The following RNF169 variants were observed in gnomAD, a reference collection of about 807,000 sequenced individuals.
The protein encoded by RNF169 is E3 ubiquitin-protein ligase RNF169.
A neutral mutation model predicts 53.9 loss-of-function variants in RNF169; 24 were observed. That is an observed-to-expected ratio of 0.45 (90% confidence interval 0.32 to 0.63). RNF169 has a LOEUF of 0.63. Among genes scored for constraint, RNF169 ranks in the 20% least tolerant of loss-of-function variants. The pLI is 0.04. For synonymous variants in RNF169, 396 were observed against 363.5 expected (o/e 1.09, Z -1.02); for missense variants, 883 against 906.2 (o/e 0.97, Z 0.33).
intron 4 of RNF169, among the ~76,000 whole-genome samples, chr11:74,820,659 T>C (rs1280824659): frequency 6.6e-6 from 1 of 152,108 alleles, no homozygotes; most frequent in Admixed American, 6.6e-5. Context: ...GTCAAGTGTT[T>C]ACCAGCCTGC....
At chr11:74,824,127 A>G (rs1486698393) in intron 4 of RNF169, among the ~76,000 whole-genome samples, 1 of 152,208 alleles carries the variant, frequency 6.6e-6, no homozygotes, top group African/African-American at 2.4e-5. Context: ...CTCAAGAGCT[A>G]AAGGAACTAT....
chr11:74,765,530 G>A (rs1300452673), intron 1 of RNF169, among the ~76,000 whole-genome samples: 1 of 152,150 alleles, frequency 6.6e-6, no homozygotes, highest in East Asian at 1.9e-4. Flanking sequence ...GCCGGGTGCG[G>A]TGGCTCACGC....
At chr11:74,831,590 G>A (rs2036178275) in intron 4 of RNF169, 1 of 151,314 alleles carries the variant, frequency 6.6e-6, no homozygotes, top group Admixed American at 6.6e-5. Flanking sequence ...CAGATTTAGT[G>A]TAACATCTAT....
At chr11:74,810,148 C>T in intron 2 of RNF169, 36 bp from the exon 3 acceptor site, 2 of 1,574,792 alleles carry the variant, frequency 1.3e-6, no homozygotes, top group Non-Finnish European at 1.7e-6. Flanking sequence ...TTAGAGTTGC[C>T]TAAAACTACT....
chr11:74,810,383 C>T, intron 3 of RNF169, 53 bp downstream of exon 3: 1 of 1,557,560 alleles, frequency 6.4e-7, no homozygotes, highest in African/African-American at 1.4e-5. Context: ...AGTGGTTAGC[C>T]CAGGTGACCT....
chr11:74,800,855 A>G (rs2035718914), intron 2 of RNF169, among the ~76,000 whole-genome samples: 1 of 152,174 alleles, frequency 6.6e-6, no homozygotes, highest in South Asian at 2.1e-4. Context: ...CCCCCTCTTC[A>G]TTCAGCCTTT....
intron 1 of RNF169, among the ~76,000 whole-genome samples, chr11:74,752,060 C>T (rs1256252928): frequency 1.3e-5 from 2 of 151,022 alleles, no homozygotes; most frequent in African/African-American, 4.9e-5. Context: ...GGTGAAACCC[C>T]GTCTCTACTA....
intron 3 of RNF169, 85 bp from the exon 4 acceptor site, chr11:74,817,511 A>C: frequency 1.2e-6 from 1 of 805,520 alleles, no homozygotes; most frequent in African/African-American, 1.7e-5. Context: ...GAAGCGACAT[A>C]GAGAAAGAGA....
At chr11:74,813,552 C>T (rs2035902512) in intron 3 of RNF169, among the ~76,000 whole-genome samples, 1 of 152,108 alleles carries the variant, frequency 6.6e-6, no homozygotes, top group Non-Finnish European at 1.5e-5. Flanking sequence ...GAAATGAGCC[C>T]TATAAACGTT....
intron 4 of RNF169, among the ~76,000 whole-genome samples, chr11:74,830,128 C>CTA (rs1006373523): frequency 3.7e-4 from 56 of 152,040 alleles, no homozygotes; most frequent in African/African-American, 1.3e-3. Context: ...AGATCTAAGA[C>CTA]TAAACACACA....
At chr11:74,810,746 G>T (rs2035864223) in intron 3 of RNF169, among the ~76,000 whole-genome samples, 1 of 152,176 alleles carries the variant, frequency 6.6e-6, no homozygotes, top group South Asian at 2.1e-4. Flanking sequence ...GCACAGTGTA[G>T]ATATAAGGTA....
rs144353843 is a variant in RNF169 at position 74,809,673 on chromosome 11, C to G, written c.577-511C>G. On this transcript the variant is annotated intron_variant, in intron 2 of 5. Transcript: ENST00000299563. ...CATCTCTACTATTATAAAATTAGAA[C>G]AAAATTTCTTTGTAGACCGTGTATC... 2.0e-3 allele frequency among the ~76,000 whole-genome samples: 301 copies of G among 152,280 alleles called. 2 individuals carry two copies. Among genetic ancestry groups the G allele is most frequent in the African/African-American group, 6.9e-3 (288 of 41,564 alleles).
chr11:74,769,666 A>G (rs1428980781), intron 1 of RNF169, among the ~76,000 whole-genome samples: 10 of 152,070 alleles, frequency 6.6e-5, no homozygotes, highest in Admixed American at 6.5e-4. Context: ...TGGAAAAAAT[A>G]CTTGCAAAAG....
chr11:74,768,382 G>A (rs975963456), intron 1 of RNF169, among the ~76,000 whole-genome samples: 6 of 152,138 alleles, frequency 3.9e-5, no homozygotes, highest in African/African-American at 1.4e-4. Flanking sequence ...TGAGGTGGGC[G>A]GATCACTCAA....
At chr11:74,769,270 C>T (rs542809961) in intron 1 of RNF169, among the ~76,000 whole-genome samples, 5 of 152,072 alleles carry the variant, frequency 3.3e-5, no homozygotes, top group Non-Finnish European at 4.4e-5. Flanking sequence ...TAGAATGATA[C>T]GCAACAGCAT....
intron 1 of RNF169, among the ~76,000 whole-genome samples, chr11:74,750,588 C>CA (rs2034872596): frequency 1.8e-5 from 1 of 54,500 alleles, no homozygotes; most frequent in Admixed American, 3.2e-4. Context: ...CTCCCCTCAC[C>CA]TTTTTTTTTT....
rs184944012 is a variant in RNF169 at position 74,792,739 on chromosome 11, A to C, written c.576+3040A>C. The stretch of plus-strand genomic sequence containing the variant: ...TTATAAACCTTGGGAGAGAGAAGGA[A>C]ACCTTGAGGAACTGTCATTTGTGTT... On this transcript the variant is annotated intron_variant, in intron 2 of 5. Transcript: ENST00000299563. Among the ~76,000 whole-genome samples, 292 of 152,288 alleles carry C rather than the reference A, an allele frequency of 1.9e-3. 2 individuals are homozygous for C. The highest frequency in any genetic ancestry group is 0.01 in the Middle Eastern group (3 of 294).
At chr11:74,768,062 G>A (rs1198133732) in intron 1 of RNF169, among the ~76,000 whole-genome samples, 1 of 152,136 alleles carries the variant, frequency 6.6e-6, no homozygotes, top group Non-Finnish European at 1.5e-5. Flanking sequence ...AGAACACGAT[G>A]GGTGGATTTG....
intron 1 of RNF169, among the ~76,000 whole-genome samples, chr11:74,764,984 G>A (rs967886669): frequency 6.6e-6 from 1 of 152,138 alleles, no homozygotes; most frequent in Admixed American, 6.5e-5. Context: ...GGCCGAGGTG[G>A]GAGGATCATT....
Sources: gnomAD v4.1 joint callset for allele counts (sites outside exome capture counted in the v4.1 genomes callset) on GRCh38, gnomAD v4.1.1 for gene constraint, MANE v1.5 for transcripts, NCBI Gene and HGNC (gene_info 2026-07-23, HGNC 2026-07-21) for gene names.